The following SUGCT variants were observed in gnomAD, a reference collection of about 807,000 sequenced individuals.
The protein encoded by SUGCT is succinyl-CoA:glutarate-CoA transferase.
SUGCT carries 41 observed loss-of-function variants against 55.0 expected under a neutral mutation model. The ratio of observed to expected loss-of-function variants is 0.74; its 90% CI spans 0.58 to 0.97. SUGCT has a LOEUF of 0.97. SUGCT is among the 50% of genes least tolerant of loss of function. SUGCT has a pLI of 0.00. For missense variants in SUGCT, 568 were observed against 547.8 expected, an observed-to-expected ratio of 1.04 and a Z score of -0.37; for synonymous variants, 187 against 200.4, an observed-to-expected ratio of 0.93 and a Z score of 0.56.
intron 13 of SUGCT, among the ~76,000 whole-genome samples, chr7:40,832,522 T>G (rs748465859): frequency 6.6e-6 from 1 of 151,842 alleles, no homozygotes; most frequent in Non-Finnish European, 1.5e-5. Context: ...CACTCTGGGT[T>G]TTCTGTTTGG....
rs890784712 is a variant in SUGCT, at chr7:40,257,767, G to A, written c.577-16746G>A. On this transcript the variant is annotated intron_variant, in intron 7 of 13. Transcript: ENST00000335693. ...GTGGATGCTTGTAATCCTGCTACTCGGGAGGCTGAGGTGGGAGAATCACTT... is the reference window on the plus strand; with the variant it reads ...GTGGATGCTTGTAATCCTGCTACTCAGGAGGCTGAGGTGGGAGAATCACTT... 5.9e-5 allele frequency among the ~76,000 whole-genome samples: 9 copies of A among 152,134 alleles called. No individual in the cohort carries two copies. In the South Asian group the frequency reaches 6.2e-4, roughly 11 times the overall value.
At chr7:41,026,413 G>A in the SUGCT span, among the ~76,000 whole-genome samples, 1 of 152,182 alleles carries the variant, frequency 6.6e-6, no homozygotes, top group Admixed American at 6.5e-5. Flanking sequence ...GCTGTACTAA[G>A]GAGTTCCTGC....
At chr7:40,344,195 T>G (rs1273653790) in intron 9 of SUGCT, among the ~76,000 whole-genome samples, 1 of 152,218 alleles carries the variant, frequency 6.6e-6, no homozygotes, top group Non-Finnish European at 1.5e-5. Context: ...CATGAGTTCA[T>G]AGAACGATGC....
chr7:40,728,551 A>G (rs1376233413), intron 12 of SUGCT, among the ~76,000 whole-genome samples: 1 of 152,130 alleles, frequency 6.6e-6, no homozygotes, highest in African/African-American at 2.4e-5. Flanking sequence ...ATACATATTT[A>G]TATGTTATAG....
chr7:40,207,156 C>T (rs1001430132), intron 6 of SUGCT, among the ~76,000 whole-genome samples: 17 of 152,034 alleles, frequency 1.1e-4, no homozygotes, highest in Non-Finnish European at 2.4e-4. Context: ...TATGTTGTGC[C>T]ACTGCACTCC....
the SUGCT span, among the ~76,000 whole-genome samples, chr7:40,879,781 TG>T: frequency 6.6e-6 from 1 of 152,256 alleles, no homozygotes; most frequent in African/African-American, 2.4e-5. Flanking sequence ...AGTTGGGCAG[TG>T]CTTTGGCCTC....
At chr7:40,736,227 A>G (rs1030435031) in intron 12 of SUGCT, among the ~76,000 whole-genome samples, 2 of 142,334 alleles carry the variant, frequency 1.4e-5, no homozygotes, top group African/African-American at 5.3e-5. Context: ...ATATTATAAT[A>G]TATCAATATA....
At chr7:40,961,200 A>T in the SUGCT span, among the ~76,000 whole-genome samples, 1 of 152,210 alleles carries the variant, frequency 6.6e-6, no homozygotes, top group East Asian at 1.9e-4. Flanking sequence ...AACTGGATTA[A>T]TGTTTACCAA....
intron 12 of SUGCT, among the ~76,000 whole-genome samples, chr7:40,602,094 G>C (rs1275191761): frequency 6.6e-6 from 1 of 152,114 alleles, no homozygotes; most frequent in East Asian, 1.9e-4. Context: ...GCCCAACTCT[G>C]TTGAGTGAAA....
intron 12 of SUGCT, among the ~76,000 whole-genome samples, chr7:40,744,938 C>T (rs1262015876): frequency 6.6e-6 from 1 of 152,174 alleles, no homozygotes; most frequent in Non-Finnish European, 1.5e-5. Context: ...GGATTTGCTC[C>T]TTTGTTATGG....
intron 12 of SUGCT, among the ~76,000 whole-genome samples, chr7:40,628,772 A>T: frequency 6.7e-6 from 1 of 149,866 alleles, no homozygotes. Context: ...ATGGAGTCTC[A>T]CTCTGCCACC....
intron 9 of SUGCT, among the ~76,000 whole-genome samples, chr7:40,400,974 G>A (rs10229210): frequency 0.69 from 105,170 of 152,044 alleles, 36,772 homozygotes; most frequent in East Asian, 0.99. Context: ...AGGCATCCCA[G>A]TACAACCCTT....
chr7:40,638,929 A>G (rs1800140081), intron 12 of SUGCT, among the ~76,000 whole-genome samples: 1 of 152,200 alleles, frequency 6.6e-6, no homozygotes, highest in Non-Finnish European at 1.5e-5. Context: ...CCTCTAATCT[A>G]ATTATTCTAC....
At chr7:40,870,148 C>T in the SUGCT span, among the ~76,000 whole-genome samples, 1 of 152,112 alleles carries the variant, frequency 6.6e-6, no homozygotes, top group Non-Finnish European at 1.5e-5. Flanking sequence ...GAACTTAATT[C>T]TCTCAAAATT....
At chr7:40,805,934 A>C (rs1451902473) in intron 13 of SUGCT, among the ~76,000 whole-genome samples, 1 of 152,228 alleles carries the variant, frequency 6.6e-6, no homozygotes, top group Admixed American at 6.5e-5. Flanking sequence ...AATGCCAGGA[A>C]TATGAAACAG....
intron 9 of SUGCT, among the ~76,000 whole-genome samples, chr7:40,338,199 A>G (rs1455700120): frequency 6.6e-6 from 1 of 151,984 alleles, no homozygotes; most frequent in African/African-American, 2.4e-5. Flanking sequence ...CTTCATTTCA[A>G]GTTTGGTGAA....
the SUGCT span, among the ~76,000 whole-genome samples, chr7:40,875,108 C>T: frequency 2.8e-4 from 42 of 152,278 alleles, 1 homozygote; most frequent in Admixed American, 2.6e-3. Flanking sequence ...CCCTTTACTG[C>T]GCACATGTTT....
chr7:40,343,954 T>C, intron 9 of SUGCT, among the ~76,000 whole-genome samples: 1 of 152,156 alleles, frequency 6.6e-6, no homozygotes, highest in East Asian at 1.9e-4. Context: ...CCATATTAGT[T>C]GAAACTCTTA....
chr7:40,792,414 A>C (rs1269965362), intron 13 of SUGCT, among the ~76,000 whole-genome samples: 1 of 152,092 alleles, frequency 6.6e-6, no homozygotes, highest in African/African-American at 2.4e-5. Flanking sequence ...AAAGCCCTAC[A>C]TTTTCTGGTC....
Sources: gnomAD v4.1 joint callset for allele counts (sites outside exome capture counted in the v4.1 genomes callset) on GRCh38, gnomAD v4.1.1 for gene constraint, MANE v1.5 for transcripts, NCBI Gene and HGNC (gene_info 2026-07-23, HGNC 2026-07-21) for gene names.